The following ECE1 variants were observed in gnomAD, a reference collection of about 807,000 sequenced individuals.
The protein encoded by ECE1 is endothelin-converting enzyme 1.
A neutral mutation model predicts 98.6 loss-of-function variants in ECE1; 35 were observed. The ratio of observed to expected loss-of-function variants is 0.35; its 90% confidence interval spans 0.27 to 0.47. The LOEUF (loss-of-function observed/expected upper bound fraction) is 0.47, where lower values mean the gene tolerates loss of function less well. Among genes scored for constraint, ECE1 ranks in the 20% least tolerant of loss-of-function variants. ECE1 has a pLI of 1.00. For synonymous variants in ECE1, 394 were observed against 407.1 expected (o/e 0.97, Z 0.39); for missense variants, 814 against 1,025.3 (o/e 0.79, Z 2.81).
rs1480040119 is a variant in ECE1, at chr1:21,225,679, T to G, written c.1850-239A>C. Reference sequence around the variant, plus strand: ...AGCGTGGCCCGAGGCTCAGTGGGGCTTGCTTTGTTTTCTTTCTTTTTTTTT... The same window carrying G: ...AGCGTGGCCCGAGGCTCAGTGGGGCGTGCTTTGTTTTCTTTCTTTTTTTTT... On this transcript the variant is annotated intron_variant, in intron 16 of 18. Transcript: ENST00000374893. This position sits in a 1 kb window ranked among gnomAD's most constrained non-coding sequence, Gnocchi z 5.3. Among the ~76,000 whole-genome samples, 3 of 147,816 alleles carry G rather than the reference T, an allele frequency of 2.0e-5. No individual in the cohort carries two copies. Among genetic ancestry groups the G allele is most frequent in the Non-Finnish European group, 4.4e-5 (3 of 67,536 alleles).
rs28368006 is a variant in ECE1, at chr1:21,239,298, G to A, written c.1279-1054C>T. Among the ~76,000 whole-genome samples, 165 of 152,278 alleles carry A rather than the reference G, an allele frequency of 1.1e-3. 1 individual carries two copies. In the East Asian group the frequency reaches 0.027, roughly 25 times the overall value. Reference sequence around the variant, plus strand: ...CTAATGTCAGCCCCAGTCACTCCCCGGCCAGGCATCCCTCTGTGGACAGTA... The same window carrying A: ...CTAATGTCAGCCCCAGTCACTCCCCAGCCAGGCATCCCTCTGTGGACAGTA... On this transcript the variant is annotated intron_variant, in intron 10 of 18. Transcript: ENST00000374893.
chr1:21,236,603 C>T (rs567325847), intron 12 of ECE1, 143 bp downstream of exon 12: 49 of 795,640 alleles, frequency 6.2e-5, no homozygotes, highest in Admixed American at 2.0e-4. Flanking sequence ...GAGCCAAGAT[C>T]GCACCATAGC....
chr1:21,329,408 G>C (rs1433504294), intron 1 of ECE1, among the ~76,000 whole-genome samples: 2 of 152,166 alleles, frequency 1.3e-5, no homozygotes, highest in East Asian at 3.9e-4. Flanking sequence ...TCATAACCTG[G>C]TATTCTTCCT....
At chr1:21,333,307 C>G (rs1203792786) in intron 1 of ECE1, among the ~76,000 whole-genome samples, 1 of 143,280 alleles carries the variant, frequency 7.0e-6, no homozygotes, top group African/African-American at 2.7e-5. Context: ...TGAAGGCAGA[C>G]AGCACAGCTC....
intron 1 of ECE1, among the ~76,000 whole-genome samples, chr1:21,313,898 G>C (rs1569736703): frequency 6.6e-6 from 1 of 152,116 alleles, no homozygotes; most frequent in Non-Finnish European, 1.5e-5. Context: ...GGCTCACGGA[G>C]AACGGGTACG....
intron 1 of ECE1, among the ~76,000 whole-genome samples, chr1:21,300,439 A>C (rs1225431121): frequency 6.6e-6 from 1 of 150,934 alleles, no homozygotes; most frequent in Non-Finnish European, 1.5e-5. Context: ...GCCCTGAATG[A>C]CTTTTTTTTT....
At position 21,345,189 on chromosome 1, in the gene ECE1, G is replaced by C; in HGVS notation, c.3+187C>G. On this transcript the variant is annotated intron_variant, in intron 1 of 18. Transcript: ENST00000415912. This position sits in a 1 kb window ranked among gnomAD's most constrained non-coding sequence, Gnocchi z 5.1. Reference sequence around the variant, plus strand: ...GACGGGACCAAGCGCAGCGCCGCCGGGAGAGCCGCGCTCTGCCCGGGCGCT... The same window carrying C: ...GACGGGACCAAGCGCAGCGCCGCCGCGAGAGCCGCGCTCTGCCCGGGCGCT... 2 of 765,008 alleles carry C rather than the reference G, an allele frequency of 2.6e-6. No homozygotes were observed. The highest frequency in any genetic ancestry group is 3.4e-6 in the Non-Finnish European group (2 of 592,754). The allele number at this position is 765,008 out of a possible 1,614,324, so 47.4% of individuals were successfully genotyped here.
At chr1:21,221,136 G>C (rs1204480067) in intron 18 of ECE1, among the ~76,000 whole-genome samples, 1 of 152,182 alleles carries the variant, frequency 6.6e-6, no homozygotes, top group African/African-American at 2.4e-5. Context: ...AGTGCCAGCA[G>C]AAGGCTACCA....
chr1:21,311,349 C>T lies in ECE1; in HGVS notation c.4-21193G>A, dbSNP rs77882199. Among the ~76,000 whole-genome samples the T allele has an allele frequency of 2.5e-3, 387 of 152,144 alleles. 2 individuals carry two copies. Among genetic ancestry groups the T allele is most frequent in the African/African-American group, 9.2e-3 (381 of 41,506 alleles). On this transcript the variant is annotated intron_variant, in intron 1 of 18. Transcript: ENST00000415912. Reference sequence around the variant, plus strand: ...TCAGTAGGCGTGTCCCATGCACCACCAACAGCGCAGGCTTCCAGGGCAAGT... The same window carrying T: ...TCAGTAGGCGTGTCCCATGCACCACTAACAGCGCAGGCTTCCAGGGCAAGT...
chr1:21,226,988 C>T (rs997328415), intron 16 of ECE1, among the ~76,000 whole-genome samples, 171 bp downstream of exon 16: 5 of 151,980 alleles, frequency 3.3e-5, no homozygotes, highest in Non-Finnish European at 2.9e-5. Context: ...CCTCTCACAG[C>T]GCTGGGATTA....
chr1:21,345,400 C>G lies in ECE1; in HGVS notation c.-22G>C, dbSNP rs1569804849. 3.0e-6 allele frequency: 4 copies of G among 1,335,786 alleles called. No individual in the cohort carries two copies. The East Asian group carries it at 1.3e-4, about 44-fold the overall frequency. The allele number at this position is 1,335,786 out of a possible 1,614,324, so 82.7% of individuals were successfully genotyped here. On this transcript the variant is annotated 5_prime_UTR_variant, in exon 1 of 19. Coordinates refer to the ECE1 transcript ENST00000415912. This position sits in a 1 kb window ranked among gnomAD's most constrained non-coding sequence, Gnocchi z 5.1. ...CCATAGCTCGCGTGCTCCGCCCCGGCTTCGCGCAGCTCCCCGCGCCCGGCT... is the reference window on the plus strand; with the variant it reads ...CCATAGCTCGCGTGCTCCGCCCCGGGTTCGCGCAGCTCCCCGCGCCCGGCT...
At chr1:21,257,301 C>T (rs1039495378) in intron 7 of ECE1, among the ~76,000 whole-genome samples, 2 of 152,158 alleles carry the variant, frequency 1.3e-5, no homozygotes, top group East Asian at 3.9e-4. Context: ...TCTCTAGAAC[C>T]AGGACAAATG....
intron 14 of ECE1, among the ~76,000 whole-genome samples, chr1:21,231,059 C>T (rs550923832): frequency 6.6e-6 from 1 of 151,934 alleles, no homozygotes; most frequent in South Asian, 2.1e-4. Flanking sequence ...AACTCCCGAC[C>T]TCAGGTGATC....
chr1:21,246,409 G>T (rs1482999621), intron 9 of ECE1, among the ~76,000 whole-genome samples: 2 of 144,140 alleles, frequency 1.4e-5, no homozygotes, highest in Non-Finnish European at 3.0e-5. Flanking sequence ...TGAGGCAGGA[G>T]AATCATTTAA....
At chr1:21,238,341 G>T in intron 10 of ECE1, 97 bp from the exon 11 acceptor site, 1 of 968,772 alleles carries the variant, frequency 1.0e-6, no homozygotes, top group Non-Finnish European at 1.6e-6. Flanking sequence ...CCCATGCTTT[G>T]TTCTGGAAGT....
At chr1:21,289,072 TG>T (rs1361834113) in intron 2 of ECE1, among the ~76,000 whole-genome samples, 1 of 152,032 alleles carries the variant, frequency 6.6e-6, no homozygotes, top group South Asian at 2.1e-4. Flanking sequence ...CTGAGTGGAG[TG>T]GGCCTGGCAA....
At chr1:21,265,400 C>T (rs780842417) in intron 4 of ECE1, among the ~76,000 whole-genome samples, 1 of 152,060 alleles carries the variant, frequency 6.6e-6, no homozygotes, top group Non-Finnish European at 1.5e-5. Flanking sequence ...GGTGTGGTGG[C>T]GGGTGCTTGT....
At chr1:21,281,124 A>G (rs1464911987) in intron 2 of ECE1, among the ~76,000 whole-genome samples, 1 of 152,212 alleles carries the variant, frequency 6.6e-6, no homozygotes, top group Non-Finnish European at 1.5e-5. Flanking sequence ...CGGGAGGCGG[A>G]GGTTGCAGTG....
chr1:21,297,264 G>A (rs1008821835), intron 1 of ECE1, among the ~76,000 whole-genome samples: 4 of 152,176 alleles, frequency 2.6e-5, no homozygotes, highest in Non-Finnish European at 5.9e-5. Context: ...TTCAGTGCCT[G>A]CTGTGGAGGC....
Sources: allele counts gnomAD v4.1 joint callset (sites outside exome capture counted in the v4.1 genomes callset), GRCh38; gene constraint gnomAD v4.1.1; non-coding constraint Gnocchi (gnomAD v3.1); transcripts MANE v1.5; gene names NCBI Gene and HGNC (gene_info 2026-07-23, HGNC 2026-07-21).